RNF180: variants seen among roughly 807,000 people sequenced by gnomAD.
The protein encoded by RNF180 is E3 ubiquitin-protein ligase RNF180.
A neutral mutation model predicts 59.2 loss-of-function variants in RNF180; 38 were observed. That is an observed-to-expected ratio of 0.64 (90% CI 0.50 to 0.84). The LOEUF is 0.84. RNF180 is among the 40% of genes least tolerant of loss of function. RNF180 has a pLI of 0.00. For missense variants in RNF180, 705 were observed against 700.9 expected, an observed-to-expected ratio of 1.01 and a Z score of -0.07; for synonymous variants, 262 against 240.3, an observed-to-expected ratio of 1.09 and a Z score of -0.84.
intron 5 of RNF180, among the ~76,000 whole-genome samples, chr5:64,311,989 A>T (rs574426756): frequency 5.9e-5 from 9 of 152,152 alleles, no homozygotes; most frequent in African/African-American, 1.9e-4. Context: ...TGGTACACGT[A>T]TGCGAGAGTT....
intron 7 of RNF180, among the ~76,000 whole-genome samples, chr5:64,336,744 TG>T (rs1291641918): frequency 6.6e-6 from 1 of 152,214 alleles, no homozygotes; most frequent in Admixed American, 6.5e-5. Context: ...TATTTTACTA[TG>T]GGGGTTTCTG....
intron 1 of RNF180, among the ~76,000 whole-genome samples, chr5:64,172,016 CTTTG>C (rs1467588445): frequency 1.3e-5 from 2 of 152,176 alleles, no homozygotes; most frequent in Admixed American, 6.5e-5. Context: ...CCTCAGTTCT[CTTTG>C]TTTGAGCTTC....
intron 1 of RNF180, among the ~76,000 whole-genome samples, chr5:64,191,922 G>A (rs912518235): frequency 6.6e-6 from 1 of 152,152 alleles, no homozygotes; most frequent in African/African-American, 2.4e-5. Context: ...TACAGGTTCA[G>A]ATATTACTGT....
At chr5:64,243,679 C>T (rs892192897) in intron 5 of RNF180, among the ~76,000 whole-genome samples, 7 of 152,174 alleles carry the variant, frequency 4.6e-5, no homozygotes, top group African/African-American at 1.2e-4. Context: ...CAGACTGAAA[C>T]GTTCCTGCCT....
At position 64,295,981 on chromosome 5, in the gene RNF180, C is replaced by T. The variant is rs72752841; in HGVS notation, c.1228-29205C>T. The stretch of plus-strand genomic sequence containing the variant: ...AGCCATTTCTAGTCACTTCTGTCCG[C>T]TTGCTTCCATTGTTTTGCTCTGCCA... On this transcript the variant is annotated intron_variant, in intron 5 of 7. Transcript: ENST00000389100. 8.8e-3 allele frequency among the ~76,000 whole-genome samples: 1,345 copies of T among 152,256 alleles called. 18 individuals carry two copies. Among genetic ancestry groups the T allele is most frequent in the Admixed American group, 0.015 (233 of 15,282 alleles).
chr5:64,325,011 T>C (rs564798567), intron 5 of RNF180, among the ~76,000 whole-genome samples, 175 bp from the exon 6 acceptor site: 1 of 152,326 alleles, frequency 6.6e-6, no homozygotes, highest in East Asian at 1.9e-4. Flanking sequence ...GCTTCTGGGT[T>C]TTCATGTATA....
intron 5 of RNF180, among the ~76,000 whole-genome samples, chr5:64,239,802 A>C (rs551639938): frequency 8.5e-5 from 13 of 152,304 alleles, no homozygotes; most frequent in Non-Finnish European, 1.5e-4. Flanking sequence ...TTACTTTGCA[A>C]ATTCATTGTT....
At chr5:64,260,927 A>C (rs1744301202) in intron 5 of RNF180, among the ~76,000 whole-genome samples, 1 of 149,080 alleles carries the variant, frequency 6.7e-6, no homozygotes, top group Non-Finnish European at 1.5e-5. Flanking sequence ...CATCTAGCTT[A>C]GTTCAGTTTC....
chr5:64,358,731 G>A (rs955894037), intron 7 of RNF180, among the ~76,000 whole-genome samples: 10 of 151,272 alleles, frequency 6.6e-5, no homozygotes, highest in East Asian at 2.0e-4. Context: ...ATGCTGGTGC[G>A]CTGCATCCAC....
chr5:64,326,796 TG>T (rs1744667056), intron 6 of RNF180, among the ~76,000 whole-genome samples: 1 of 152,166 alleles, frequency 6.6e-6, no homozygotes, highest in South Asian at 2.1e-4. Flanking sequence ...TTGTCTGTTT[TG>T]GTATCAGAGT....
rs142986810 is a variant in RNF180 at position 64,277,020 on chromosome 5, C to CTG, written c.1228-48164_1228-48163dup. On this transcript the variant is annotated intron_variant, in intron 5 of 7. Transcript: ENST00000389100. ...AGGTCCTACTTGCTCAGCATGTTCGCTGTAGCATCCCTAGTGCCTTGGGTA... is the reference window on the plus strand; with the variant it reads ...AGGTCCTACTTGCTCAGCATGTTCGCTGTGTAGCATCCCTAGTGCCTTGGGTA... Among the ~76,000 whole-genome samples, 1,357 of 152,062 alleles carry CTG rather than the reference C, an allele frequency of 8.9e-3. 17 individuals carry two copies. Among genetic ancestry groups the CTG allele is most frequent in the African/African-American group, 0.031 (1,293 of 41,508 alleles).
At chr5:64,242,729 G>A (rs1596811) in intron 5 of RNF180, among the ~76,000 whole-genome samples, 1,772 of 152,270 alleles carry the variant, frequency 0.012, 34 homozygotes, top group African/African-American at 0.04. Flanking sequence ...CAAAGATCTC[G>A]AATCAGATTC....
At chr5:64,299,426 C>G (rs1486220049) in intron 5 of RNF180, among the ~76,000 whole-genome samples, 2 of 151,908 alleles carry the variant, frequency 1.3e-5, no homozygotes. Flanking sequence ...CATTCATCTT[C>G]TTTTCTGTCT....
At chr5:64,171,568 T>G (rs1422839381) in intron 1 of RNF180, among the ~76,000 whole-genome samples, 1 of 152,136 alleles carries the variant, frequency 6.6e-6, no homozygotes, top group Non-Finnish European at 1.5e-5. Flanking sequence ...CAGGGGAACT[T>G]TCTTGGATTA....
At chr5:64,341,567 G>A (rs1295659589) in intron 7 of RNF180, among the ~76,000 whole-genome samples, 2 of 152,166 alleles carry the variant, frequency 1.3e-5, no homozygotes, top group Non-Finnish European at 2.9e-5. Context: ...GGAAACTGTG[G>A]TCAGTCTGGT....
intron 5 of RNF180, among the ~76,000 whole-genome samples, chr5:64,261,019 A>G (rs1744309152): frequency 6.6e-6 from 1 of 151,190 alleles, no homozygotes; most frequent in South Asian, 2.1e-4. Flanking sequence ...CAAGTATTTT[A>G]ATGTTCCAAA....
chr5:64,270,219 C>T (rs911587330), intron 5 of RNF180, among the ~76,000 whole-genome samples: 8 of 152,176 alleles, frequency 5.3e-5, no homozygotes, highest in Admixed American at 2.0e-4. Flanking sequence ...TGATAACTAG[C>T]GCCACCCAAG....
At chr5:64,284,299 T>A (rs1312116579) in intron 5 of RNF180, among the ~76,000 whole-genome samples, 1 of 152,210 alleles carries the variant, frequency 6.6e-6, no homozygotes, top group African/African-American at 2.4e-5. Context: ...TTTTCTTTCA[T>A]GTTGACCTTG....
At chr5:64,272,556 A>T (rs1163485125) in intron 5 of RNF180, among the ~76,000 whole-genome samples, 1 of 152,038 alleles carries the variant, frequency 6.6e-6, no homozygotes, top group African/African-American at 2.4e-5. Flanking sequence ...AAGGTTTTTA[A>T]ACTATGGAGT....
Sources: gnomAD v4.1 joint callset for allele counts (sites outside exome capture counted in the v4.1 genomes callset) on GRCh38, gnomAD v4.1.1 for gene constraint, MANE v1.5 for transcripts, NCBI Gene and HGNC (gene_info 2026-07-23, HGNC 2026-07-21) for gene names.